SRP54: variants seen among roughly 807,000 people sequenced by gnomAD.
The protein encoded by SRP54 is signal recognition particle subunit SRP54.
A neutral mutation model predicts 64.8 loss-of-function variants in SRP54; 10 were observed. The ratio of observed to expected loss-of-function variants is 0.15; its 90% CI spans 0.10 to 0.26. SRP54 has a LOEUF of 0.26. SRP54 is among the 10% of genes least tolerant of loss of function. The probability of loss-of-function intolerance (pLI) is 1.00; values close to 1 mark genes in which losing one functional copy is unlikely to be tolerated. For missense variants in SRP54, 325 were observed against 613.7 expected (o/e 0.53, Z 4.97); for synonymous variants, 193 against 185.6 (o/e 1.04, Z -0.32).
chr14:34,995,135 GTGTGTGT>G (rs2044048491), intron 1 of SRP54, among the ~76,000 whole-genome samples: 2,338 of 56,662 alleles, frequency 0.041, 78 homozygotes, highest in African/African-American at 0.068. Flanking sequence ...TCAATAAAGG[GTGTGTGT>G]GTGTGTGTGT....
chr14:35,013,785 T>G lies in SRP54; in HGVS notation c.786-17T>G, dbSNP rs750384466. The G allele has an allele frequency of 6.3e-7, 1 of 1,591,068 alleles. No individual in the cohort carries two copies. The highest frequency in any genetic ancestry group is 1.8e-5 in the Admixed American group (1 of 55,364). On this transcript the variant is annotated splice_polypyrimidine_tract_variant and intron_variant, in intron 9 of 15. Transcript: ENST00000216774. The stretch of plus-strand genomic sequence containing the variant: ...GGGTTCTTTTGAGGTTATTTTATAT[T>G]TTCTTTTTTTTTCCAGAGTCGCTGC...
At chr14:35,011,705 T>A in intron 8 of SRP54, 46 bp downstream of exon 8, 1 of 1,414,716 alleles carries the variant, frequency 7.1e-7, no homozygotes, top group Non-Finnish European at 9.4e-7. Flanking sequence ...TTTGGTTAAT[T>A]TAATTATAAA....
intron 4 of SRP54, among the ~76,000 whole-genome samples, chr14:35,001,741 A>C (rs1369073780): frequency 6.6e-6 from 1 of 152,208 alleles, no homozygotes; most frequent in Non-Finnish European, 1.5e-5. Context: ...TCTTGCCTAG[A>C]TTATGAGCAA....
At chr14:34,985,221 A>G (rs1449930185) in intron 1 of SRP54, among the ~76,000 whole-genome samples, 1 of 152,196 alleles carries the variant, frequency 6.6e-6, no homozygotes, top group Non-Finnish European at 1.5e-5. Context: ...AGTCCCAGCT[A>G]GTTGGAGGGA....
chr14:35,002,165 C>T (rs2044183904), intron 4 of SRP54, among the ~76,000 whole-genome samples: 1 of 152,046 alleles, frequency 6.6e-6, no homozygotes. Context: ...ACCAGCCTGG[C>T]CAACATGGTG....
intron 1 of SRP54, among the ~76,000 whole-genome samples, chr14:34,989,781 T>C (rs867661886): frequency 6.6e-6 from 1 of 152,170 alleles, no homozygotes; most frequent in South Asian, 2.1e-4. Flanking sequence ...ATAGTTGGTA[T>C]CATTAAAAAA....
chr14:35,001,042 G>T (rs1248548416), intron 4 of SRP54, 22 bp downstream of exon 4: 1 of 1,350,492 alleles, frequency 7.4e-7, no homozygotes, highest in Non-Finnish European at 1.0e-6. Flanking sequence ...TGAAGATTAT[G>T]CTGTGATTCT....
intron 9 of SRP54, 98 bp from the exon 10 acceptor site, chr14:35,013,704 C>T: frequency 8.5e-7 from 1 of 1,171,094 alleles, no homozygotes; most frequent in Non-Finnish European, 1.2e-6. Flanking sequence ...GTACCTTTGT[C>T]TAATTAGCTT....
chr14:35,020,319 G>T (rs2044507918), intron 13 of SRP54, among the ~76,000 whole-genome samples: 1 of 152,170 alleles, frequency 6.6e-6, no homozygotes, highest in African/African-American at 2.4e-5. Flanking sequence ...TTACAGTGAT[G>T]GTTGCCAAAG....
intron 15 of SRP54, among the ~76,000 whole-genome samples, chr14:35,028,443 C>G (rs899425207): frequency 1.3e-5 from 2 of 152,024 alleles, no homozygotes; most frequent in East Asian, 3.9e-4. Flanking sequence ...GACTTTTTCC[C>G]TTATTTTAGA....
chr14:34,997,190 G>A (rs758572103), intron 2 of SRP54, among the ~76,000 whole-genome samples: 9 of 151,886 alleles, frequency 5.9e-5, no homozygotes, highest in Non-Finnish European at 1.2e-4. Context: ...CTTTTATTTA[G>A]CATTTTTATA....
chr14:35,005,095 G>A (rs1176275394), intron 4 of SRP54, among the ~76,000 whole-genome samples: 3 of 152,164 alleles, frequency 2.0e-5, no homozygotes, highest in South Asian at 4.1e-4. Context: ...ACTTCAGGAG[G>A]CCAAGGCTGG....
chr14:35,010,316 T>C (rs1186048694), intron 7 of SRP54, among the ~76,000 whole-genome samples: 1 of 151,252 alleles, frequency 6.6e-6, no homozygotes, highest in Non-Finnish European at 1.5e-5. Context: ...CGTGGTGGCG[T>C]GTGCCTGTAA....
At chr14:34,984,866 AAACTC>A (rs1036865228) in intron 1 of SRP54, among the ~76,000 whole-genome samples, 15 of 150,946 alleles carry the variant, frequency 9.9e-5, no homozygotes, top group African/African-American at 3.7e-4. Context: ...TAAAACTTGC[AAACTC>A]ATTAGGTCCA....
chr14:35,023,139 A>C, intron 14 of SRP54, 59 bp downstream of exon 14: 1 of 1,426,614 alleles, frequency 7.0e-7, no homozygotes. Context: ...GTTGAGAAAA[A>C]AGAGTGCTGC....
At chr14:35,015,954 ACCTCG>A (rs1320633866) in intron 11 of SRP54, among the ~76,000 whole-genome samples, 26 of 152,008 alleles carry the variant, frequency 1.7e-4, no homozygotes, top group African/African-American at 5.8e-4. Context: ...CCAACCTCTC[ACCTCG>A]TTGTCTTATC....
chr14:34,993,692 A>T (rs527327801), intron 1 of SRP54, among the ~76,000 whole-genome samples: 102 of 151,888 alleles, frequency 6.7e-4, no homozygotes, highest in African/African-American at 2.4e-3. Flanking sequence ...AAAATTAATT[A>T]ATTAATTTAT....
chr14:35,008,961 A>G (rs987949662), intron 7 of SRP54, 130 bp downstream of exon 7: 6 of 626,674 alleles, frequency 9.6e-6, no homozygotes, highest in Non-Finnish European at 1.6e-5. Flanking sequence ...ATCTTGGCTC[A>G]CTGCAACCAC....
Position 35,029,319 on chromosome 14 carries a change from T to TC in SRP54, c.*168dup. ...TCCCCTCCTTTTCTTTTTCCTTCCTTCTTTCCTCCCTTTAATATAAGGGAG... is the reference window on the plus strand; with the variant it reads ...TCCCCTCCTTTTCTTTTTCCTTCCTTCCTTTCCTCCCTTTAATATAAGGGAG... On this transcript the variant is annotated 3_prime_UTR_variant, in exon 16 of 16. Transcript: ENST00000216774. 1 of 502,278 alleles carries TC rather than the reference T, an allele frequency of 2.0e-6. No homozygotes were observed. Among genetic ancestry groups the TC allele is most frequent in the Non-Finnish European group, 3.5e-6 (1 of 285,192 alleles). 31.1% of individuals were successfully genotyped at this position (502,278 alleles called of 1,614,324 possible). A position where few individuals can be genotyped will look rare whatever the true frequency, so the allele number is the denominator to read the frequency against.
Sources: gnomAD v4.1 joint callset for allele counts (sites outside exome capture counted in the v4.1 genomes callset) on GRCh38, gnomAD v4.1.1 for gene constraint, MANE v1.5 for transcripts, NCBI Gene and HGNC (gene_info 2026-07-23, HGNC 2026-07-21) for gene names.